COL5A2: variants seen among roughly 807,000 people sequenced by gnomAD.
COL5A2 encodes collagen type V alpha 2 chain, also known as collagen alpha-2(V) chain.
COL5A2 carries 23 observed loss-of-function variants against 208.2 expected under a neutral mutation model. That is an observed-to-expected ratio of 0.11 (90% CI 0.08 to 0.16). The LOEUF is 0.16. COL5A2 is among the 10% of genes least tolerant of loss of function. The probability of loss-of-function intolerance (pLI) is 1.00; values close to 1 mark genes in which losing one functional copy is unlikely to be tolerated. For synonymous variants in COL5A2, 625 were observed against 628.5 expected (o/e 0.99, Z 0.08); for missense variants, 1,590 against 1,956.4 (o/e 0.81, Z 3.53).
chr2:189,329,876 A>G, the COL5A2 span, among the ~76,000 whole-genome samples: 3 of 152,194 alleles, frequency 2.0e-5, no homozygotes, highest in Non-Finnish European at 4.4e-5. Context: ...ACTCTAACCA[A>G]TACAAAAACA....
chr2:189,396,599 G>A, the COL5A2 span, among the ~76,000 whole-genome samples: 8 of 149,450 alleles, frequency 5.4e-5, no homozygotes, highest in Admixed American at 3.4e-4. Flanking sequence ...GCGTGAACCC[G>A]GGAGGCGGAG....
In COL5A2 at chr2:189,048,248, A is replaced by G. The variant is rs769755441; in HGVS notation, c.3162T>C (p.Asn1054=). 3.7e-6 allele frequency: 6 copies of G among 1,613,890 alleles called. No individual in the cohort carries two copies. The Admixed American group carries it at 6.7e-5, about 18-fold the overall frequency. ...GEPGPEGPAG[N]DGTPGRDGAV... is the part of the protein sequence containing the mutation. ...CACCATCCCGTCCTGGGGTACCATC[A>G]TTGCCAGCTGGACCCTATAAAGAAT... is the stretch of plus-strand genomic sequence containing the variant. Residue 1054 remains asparagine, a synonymous_variant, in exon 45 of 54, where the codon AAT becomes AAC. Coordinates refer to ENST00000374866, the MANE Select transcript of COL5A2 (RefSeq NM_000393.5).
At chr2:189,144,314 T>C (rs1687996279) in intron 1 of COL5A2, among the ~76,000 whole-genome samples, 1 of 152,144 alleles carries the variant, frequency 6.6e-6, no homozygotes, top group African/African-American at 2.4e-5. Flanking sequence ...TAGTTTTACC[T>C]AGTTAGGAGA....
chr2:189,085,175 A>C lies in COL5A2; in HGVS notation c.783T>G (p.Gly261=), dbSNP rs1686628171. The C allele has an allele frequency of 1.2e-6, 2 of 1,612,466 alleles. No homozygotes were observed. Among genetic ancestry groups the C allele is most frequent in the Non-Finnish European group, 1.7e-6 (2 of 1,179,090 alleles). ...IGSRGPEGPP[G]KPGEDGEPGR... ...GGTAGCTTACATCTTCCCCAGGTTT[A>C]CCAGGAGGGCCCTCTGGTCCACGTG... The change falls in exon 11 of 54, where the codon GGT becomes GGG. Residue 261 remains glycine (G), a synonymous_variant. Transcript: ENST00000374866.
rs1576481924 is a variant in COL5A2, at chr2:189,032,918, C to A, written c.*1152G>T. 1 of 152,576 alleles carries A rather than the reference C, an allele frequency of 6.6e-6. No individual in the cohort carries two copies. The highest frequency in any genetic ancestry group is 2.4e-5 in the African/African-American group (1 of 41,450). 9.5% of individuals were successfully genotyped at this position (152,576 alleles called of 1,614,324 possible). On this transcript the variant is annotated 3_prime_UTR_variant, in exon 54 of 54. Transcript: ENST00000374866. ...AAATAATAATACCTTTTTAGCCCTG[C>A]CTATCTCCAGTCTTGGAATAATAAC...
the COL5A2 span, among the ~76,000 whole-genome samples, chr2:189,288,841 T>C: frequency 6.6e-6 from 1 of 152,240 alleles, no homozygotes; most frequent in Non-Finnish European, 1.5e-5. Context: ...CACAGCATGT[T>C]AAAGGGATCA....
intron 1 of COL5A2, among the ~76,000 whole-genome samples, chr2:189,161,332 A>C (rs1270352893): frequency 6.6e-6 from 1 of 151,990 alleles, no homozygotes; most frequent in African/African-American, 2.4e-5. Context: ...TATTCCTCTC[A>C]TTATGTATTC....
the COL5A2 span, among the ~76,000 whole-genome samples, chr2:189,365,593 G>GACA: frequency 6.6e-6 from 1 of 152,200 alleles, no homozygotes; most frequent in Non-Finnish European, 1.5e-5. Context: ...ACTGGGCAAG[G>GACA]ATAGGGTTAT....
the COL5A2 span, among the ~76,000 whole-genome samples, chr2:189,322,768 T>C: frequency 1.3e-5 from 2 of 152,176 alleles, no homozygotes; most frequent in Admixed American, 6.5e-5. Context: ...GGTAGTACCA[T>C]TCCTTCCGAA....
chr2:189,345,708 C>T, the COL5A2 span, among the ~76,000 whole-genome samples: 1 of 152,044 alleles, frequency 6.6e-6, no homozygotes, highest in East Asian at 1.9e-4. Flanking sequence ...TACTGGTGAA[C>T]CCACTGGTTG....
At chr2:189,128,543 A>G (rs1457146314) in intron 1 of COL5A2, among the ~76,000 whole-genome samples, 1 of 151,860 alleles carries the variant, frequency 6.6e-6, no homozygotes, top group Admixed American at 6.6e-5. Context: ...GGTGCTCCTC[A>G]AACCTGGCTT....
At chr2:189,350,219 T>G in the COL5A2 span, among the ~76,000 whole-genome samples, 1 of 152,172 alleles carries the variant, frequency 6.6e-6, no homozygotes, top group African/African-American at 2.4e-5. Flanking sequence ...ACATATGTAT[T>G]ACATGAAAGG....
intron 25 of COL5A2, 141 bp from the exon 26 acceptor site, chr2:189,064,174 T>C: frequency 2.9e-6 from 2 of 694,206 alleles, no homozygotes; most frequent in Non-Finnish European, 2.4e-6. Flanking sequence ...AAGTGATGTA[T>C]TGTTAAAATT....
At chr2:189,354,795 T>C in the COL5A2 span, among the ~76,000 whole-genome samples, 1 of 152,176 alleles carries the variant, frequency 6.6e-6, no homozygotes, top group African/African-American at 2.4e-5. Context: ...TCTGCTCTGA[T>C]CTCAGTTATT....
the COL5A2 span, among the ~76,000 whole-genome samples, chr2:189,371,737 G>A: frequency 6.6e-6 from 1 of 152,164 alleles, no homozygotes; most frequent in Non-Finnish European, 1.5e-5. Context: ...AGTTACAGGA[G>A]CAAAGAAGTG....
chr2:189,398,072 A>C, the COL5A2 span, among the ~76,000 whole-genome samples: 2 of 152,158 alleles, frequency 1.3e-5, no homozygotes, highest in Non-Finnish European at 2.9e-5. Context: ...AGAACTGCTC[A>C]ATTTCCAATC....
At chr2:189,195,237 C>T (rs893705423) in intron 1 of COL5A2, among the ~76,000 whole-genome samples, 1 of 152,040 alleles carries the variant, frequency 6.6e-6, no homozygotes, top group Non-Finnish European at 1.5e-5. Context: ...CAATAAAATA[C>T]CTAGGAATAC....
chr2:189,142,664 C>A (rs562468894), intron 1 of COL5A2, among the ~76,000 whole-genome samples: 1 of 152,160 alleles, frequency 6.6e-6, no homozygotes, highest in Non-Finnish European at 1.5e-5. Flanking sequence ...ATAGGACAGA[C>A]ATCCTTCAGA....
chr2:189,218,184 T>C (rs1440962313), intron 1 of COL5A2, among the ~76,000 whole-genome samples: 1 of 152,212 alleles, frequency 6.6e-6, no homozygotes, highest in Non-Finnish European at 1.5e-5. Flanking sequence ...TAGGTTTTCA[T>C]AATGGGTTGA....
Sources: allele counts gnomAD v4.1 joint callset (sites outside exome capture counted in the v4.1 genomes callset), GRCh38; gene constraint gnomAD v4.1.1; transcripts MANE v1.5; gene names NCBI Gene and HGNC (gene_info 2026-07-23, HGNC 2026-07-21).